Variants in STRN3 observed in about 807,000 individuals in gnomAD.
STRN3 encodes striatin 3, also known as striatin-3.
Under a neutral mutation model 95.6 loss-of-function variants are expected in STRN3, and 29 were observed. That is an observed-to-expected ratio of 0.30 (90% confidence interval 0.23 to 0.41). STRN3 has a LOEUF of 0.41. Among genes scored for constraint, STRN3 ranks in the 10% least tolerant of loss-of-function variants. The pLI, the probability that STRN3 is intolerant of heterozygous loss-of-function variation, is 1.00. For missense variants in STRN3, 890 were observed against 972.1 expected, an observed-to-expected ratio of 0.92 and a Z score of 1.12; for synonymous variants, 331 against 357.6, an observed-to-expected ratio of 0.93 and a Z score of 0.84.
At chr14:30,962,831 C>G (rs1224266371) in intron 1 of STRN3, among the ~76,000 whole-genome samples, 2 of 151,988 alleles carry the variant, frequency 1.3e-5, no homozygotes, top group Non-Finnish European at 2.9e-5. Flanking sequence ...CAGCACCTGG[C>G]CCCATTTTTT....
At position 30,950,917 on chromosome 14, in the gene STRN3, GTGGGAGCCTC is replaced by G. The variant is rs752595026; in HGVS notation, c.478_487del (p.Glu160GlnfsTer8). ...CGTTAACTGGCTATTCTGAGGTGCT[GTGGGAGCCTC>G]TGTGTCTTTGGTTTCTTCTAAAAAT... On this transcript the variant is annotated frameshift_variant, in exon 4 of 18. Coordinates refer to ENST00000357479, the MANE Select transcript of STRN3 (RefSeq NM_001083893.2). LOFTEE classifies it high-confidence loss of function. 1 of 1,613,764 alleles carries G rather than the reference GTGGGAGCCTC, an allele frequency of 6.2e-7. No individual in the cohort carries two copies. Among genetic ancestry groups the G allele is most frequent in the Non-Finnish European group, 8.5e-7 (1 of 1,179,910 alleles).
At chr14:30,924,575 A>AACC (rs1186326831) in intron 8 of STRN3, among the ~76,000 whole-genome samples, 1 of 152,182 alleles carries the variant, frequency 6.6e-6, no homozygotes, top group South Asian at 2.1e-4. Flanking sequence ...TACATGCATG[A>AACC]ACCACTGCAC....
chr14:31,018,415 C>T (rs1883345918), intron 1 of STRN3: 1 of 371,620 alleles, frequency 2.7e-6, no homozygotes, highest in East Asian at 7.9e-5. Flanking sequence ...GACAAGCAAG[C>T]GAACTTTATT....
intron 1 of STRN3, among the ~76,000 whole-genome samples, chr14:30,978,511 T>C (rs913295362): frequency 2.0e-5 from 3 of 152,180 alleles, no homozygotes; most frequent in African/African-American, 7.2e-5. Flanking sequence ...AAATATCATA[T>C]TTAATTATGA....
In STRN3 at chr14:30,895,513, G is replaced by T; in HGVS notation, c.2292C>A (p.His764Gln). Residue 764 changes from histidine to glutamine, a missense_variant, in exon 18 of 18, where the codon CAC (histidine) becomes CAA (glutamine). By Grantham distance (24) the His-to-Gln change is conservative. Around this residue, in one of 3 missense-constraint regions of STRN3, gnomAD observed 357 missense variants for 422.8 expected, o/e 0.84. Coordinates refer to ENST00000357479, the MANE Select transcript of STRN3 (RefSeq NM_001083893.2). ...AAATTGATTCATCCAATTTCTTTCT[G>T]TGAGCTGTTATTTCTTGCACACATG... ...SKTCVQEITA[H>Q]RKKLDESIYD... The T allele has an allele frequency of 6.2e-7, 1 of 1,614,072 alleles. No individual in the cohort carries two copies. The highest frequency in any genetic ancestry group is 8.5e-7 in the Non-Finnish European group (1 of 1,180,006).
At chr14:30,927,183 C>G (rs1040901183) in intron 8 of STRN3, among the ~76,000 whole-genome samples, 8 of 151,994 alleles carry the variant, frequency 5.3e-5, no homozygotes, top group Admixed American at 4.6e-4. Flanking sequence ...TGTGGTGGCA[C>G]GTGCCTATAG....
At chr14:30,997,376 C>T (rs998207532) in intron 1 of STRN3, among the ~76,000 whole-genome samples, 1 of 152,092 alleles carries the variant, frequency 6.6e-6, no homozygotes, top group Non-Finnish European at 1.5e-5. Flanking sequence ...CTCTGTCTGG[C>T]CCCTACACCC....
intron 8 of STRN3, among the ~76,000 whole-genome samples, chr14:30,924,754 G>A (rs777624923): frequency 6.6e-6 from 1 of 152,182 alleles, no homozygotes; most frequent in Non-Finnish European, 1.5e-5. Flanking sequence ...CAAGGCGGGA[G>A]TGGAAAGATT....
intron 1 of STRN3, among the ~76,000 whole-genome samples, chr14:31,020,779 G>A (rs1883466929): frequency 6.6e-6 from 1 of 152,126 alleles, no homozygotes; most frequent in South Asian, 2.1e-4. Context: ...GATAGTCCAT[G>A]TCTGTAGTCC....
chr14:31,001,858 C>T (rs1047274982), intron 1 of STRN3, among the ~76,000 whole-genome samples: 1 of 151,676 alleles, frequency 6.6e-6, no homozygotes, highest in Non-Finnish European at 1.5e-5. Context: ...GGCAAAACCC[C>T]GTCTCTGCTA....
chr14:30,983,546 AAAAT>A (rs1378984647), intron 1 of STRN3, among the ~76,000 whole-genome samples: 3 of 152,258 alleles, frequency 2.0e-5, no homozygotes, highest in Non-Finnish European at 2.9e-5. Flanking sequence ...CTCCGTCTCA[AAAAT>A]AAATAAATAA....
chr14:30,984,125 C>CTG (rs1156806196), intron 1 of STRN3, among the ~76,000 whole-genome samples: 1 of 85,852 alleles, frequency 1.2e-5, no homozygotes, highest in Non-Finnish European at 2.5e-5. Flanking sequence ...GGCATCTTCC[C>CTG]CGCCCCCCCC....
intron 5 of STRN3, among the ~76,000 whole-genome samples, chr14:30,945,174 G>A (rs541498803): frequency 3.3e-5 from 5 of 152,274 alleles, no homozygotes; most frequent in Admixed American, 6.5e-5. Flanking sequence ...AAGTGTTGAT[G>A]AGGATGTGGA....
At chr14:30,946,326 T>C (rs1267961412) in intron 5 of STRN3, among the ~76,000 whole-genome samples, 1 of 151,970 alleles carries the variant, frequency 6.6e-6, no homozygotes, top group Non-Finnish European at 1.5e-5. Flanking sequence ...GCAGGCTGTT[T>C]AAGGCCAGGA....
At chr14:30,960,121 T>C (rs974713733) in intron 1 of STRN3, among the ~76,000 whole-genome samples, 3 of 151,536 alleles carry the variant, frequency 2.0e-5, no homozygotes, top group Admixed American at 1.3e-4. Context: ...TCTGGGAGGC[T>C]GAGGAGGGTG....
At chr14:30,922,437 T>C (rs1896908978) in intron 8 of STRN3, among the ~76,000 whole-genome samples, 2 of 152,176 alleles carry the variant, frequency 1.3e-5, no homozygotes, top group Admixed American at 1.3e-4. Context: ...ACATACTAAT[T>C]ATGCCACGTG....
intron 10 of STRN3, 35 bp from the exon 11 acceptor site, chr14:30,912,217 G>A: frequency 6.3e-7 from 1 of 1,592,690 alleles, no homozygotes. Flanking sequence ...AGTGGTAAAA[G>A]TAGTAAACTG....
intron 16 of STRN3, among the ~76,000 whole-genome samples, chr14:30,900,356 T>A (rs1301821728): frequency 6.0e-5 from 7 of 116,586 alleles, no homozygotes; most frequent in African/African-American, 2.3e-4. Flanking sequence ...TGAAACTCCA[T>A]CTCAAAAAAA....
At chr14:30,897,618 C>CTTTAA in intron 16 of STRN3, among the ~76,000 whole-genome samples, 1 of 152,204 alleles carries the variant, frequency 6.6e-6, no homozygotes, top group South Asian at 2.1e-4. Context: ...CTTTCCAGCA[C>CTTTAA]TATTAAACAC....
Sources: gnomAD v4.1 joint callset for allele counts (sites outside exome capture counted in the v4.1 genomes callset) on GRCh38, gnomAD v4.1.1 for gene constraint, gnomAD v4.1.1 regional missense constraint, MANE v1.5 for transcripts, NCBI Gene and HGNC (gene_info 2026-07-23, HGNC 2026-07-21) for gene names.